The following PPP6R2 variants were observed in gnomAD, a reference collection of about 807,000 sequenced individuals.
PPP6R2 encodes the protein serine/threonine-protein phosphatase 6 regulatory subunit 2.
A neutral mutation model predicts 100.2 loss-of-function variants in PPP6R2; 62 were observed. The ratio of observed to expected loss-of-function variants is 0.62; its 90% CI spans 0.50 to 0.76. The LOEUF (loss-of-function observed/expected upper bound fraction) is 0.76. Ranked by LOEUF, PPP6R2 falls within the 30% of genes least tolerant of loss-of-function variation. PPP6R2 has a pLI of 0.00. For synonymous variants in PPP6R2, 525 were observed against 514.7 expected, an observed-to-expected ratio of 1.02 and a Z score of -0.27; for missense variants, 1,142 against 1,276.3, an observed-to-expected ratio of 0.89 and a Z score of 1.60.
intron 18 of PPP6R2, 91 bp downstream of exon 18, chr22:50,438,389 T>TTGCAGAGCAGCCACACCTGTCC: frequency 6.5e-7 from 1 of 1,543,282 alleles, no homozygotes; most frequent in Non-Finnish European, 8.7e-7. Context: ...GTTAGCTGGC[T>TTGCAGAGCAGCCACACCTGTCC]TGCAGAGCAG....
At chr22:50,353,376 G>C (rs1456239197) in intron 1 of PPP6R2, among the ~76,000 whole-genome samples, 3 of 152,256 alleles carry the variant, frequency 2.0e-5, no homozygotes, top group African/African-American at 7.2e-5. Flanking sequence ...CTGAGGAGAG[G>C]GGGAGAGACT....
chr22:50,436,571 C>T (rs1275067720), intron 14 of PPP6R2, 119 bp downstream of exon 14: 23 of 939,482 alleles, frequency 2.4e-5, no homozygotes, highest in Non-Finnish European at 3.8e-5. Flanking sequence ...CGCCTGCCTG[C>T]TCCTCTTGAC....
intron 2 of PPP6R2, among the ~76,000 whole-genome samples, chr22:50,385,657 A>G (rs2054076909): frequency 6.7e-6 from 1 of 148,998 alleles, no homozygotes; most frequent in South Asian, 2.1e-4. Context: ...CTGGGATTAT[A>G]GGCACCTGCC....
At chr22:50,350,473 T>C (rs1444923277) in intron 1 of PPP6R2, among the ~76,000 whole-genome samples, 2 of 151,826 alleles carry the variant, frequency 1.3e-5, no homozygotes, top group Non-Finnish European at 2.9e-5. Context: ...TCAGGTGATC[T>C]GCCTGCCTTG....
chr22:50,354,852 C>T (rs1313648117), intron 1 of PPP6R2, among the ~76,000 whole-genome samples: 1 of 149,788 alleles, frequency 6.7e-6, no homozygotes, highest in Non-Finnish European at 1.5e-5. Context: ...GTAAAAGCTG[C>T]TGCACCTGGA....
intron 1 of PPP6R2, among the ~76,000 whole-genome samples, chr22:50,370,935 AATGT>A (rs146375908): frequency 0.079 from 11,981 of 152,236 alleles, 1,188 homozygotes; most frequent in African/African-American, 0.23. Context: ...CCCAGCCACA[AATGT>A]AGGACCTATT....
At chr22:50,425,983 A>G (rs879256626) in intron 10 of PPP6R2, among the ~76,000 whole-genome samples, 1 of 151,712 alleles carries the variant, frequency 6.6e-6, no homozygotes, top group East Asian at 1.9e-4. Context: ...TACATAAAAA[A>G]TTTTTTTTAG....
At position 50,443,650 on chromosome 22, in the gene PPP6R2, T is replaced by C. The variant is rs549552431; in HGVS notation, c.2580-216T>C. The C allele has an allele frequency of 6.7e-5, 42 of 626,500 alleles. No individual in the cohort carries two copies. In the East Asian group the frequency reaches 1.1e-3, roughly 16 times the overall value. 38.8% of individuals were successfully genotyped at this position (626,500 alleles called of 1,614,324 possible). ...CCTGGAGGAGGTTTGAGGTCATCAA[T>C]GGACAGGCAGCTTGTCCCAGTACTT... is the stretch of plus-strand genomic sequence containing the variant. On this transcript the variant is annotated intron_variant, in intron 22 of 23. Transcript: ENST00000612753.
At chr22:50,377,597 C>T (rs780979058) in intron 2 of PPP6R2, among the ~76,000 whole-genome samples, 8 of 151,970 alleles carry the variant, frequency 5.3e-5, no homozygotes, top group Non-Finnish European at 1.0e-4. Context: ...CATGGGACAT[C>T]GAGGGCAAAT....
intron 22 of PPP6R2, chr22:50,443,525 G>C (rs4824136): frequency 0.75 from 197,144 of 262,202 alleles, 75,451 homozygotes; most frequent in East Asian, 0.94. Flanking sequence ...GGTTTCCCCA[G>C]ACTGTGTCCA....
At chr22:50,437,120 G>A (rs1322768850) in intron 15 of PPP6R2, 52 bp downstream of exon 15, 2 of 1,485,112 alleles carry the variant, frequency 1.3e-6, no homozygotes, top group African/African-American at 1.4e-5. Context: ...CGGCACCTGT[G>A]TGCGCTGCGC....
chr22:50,410,701 T>TTCACATACA (rs1398885623), intron 4 of PPP6R2, among the ~76,000 whole-genome samples: 1 of 152,088 alleles, frequency 6.6e-6, no homozygotes, highest in Non-Finnish European at 1.5e-5. Flanking sequence ...ATGTATCATA[T>TTCACATACA]TCACATACAT....
intron 2 of PPP6R2, among the ~76,000 whole-genome samples, chr22:50,383,271 G>T (rs1383486932): frequency 6.6e-6 from 1 of 152,204 alleles, no homozygotes; most frequent in Non-Finnish European, 1.5e-5. Context: ...GTGCCCATCA[G>T]CCCTGGTTTG....
chr22:50,434,904 G>C lies in PPP6R2; in HGVS notation c.1401-62G>C, dbSNP rs1467699946. 6.2e-6 allele frequency: 9 copies of C among 1,463,106 alleles called. No individual in the cohort carries two copies. In the Admixed American group the frequency reaches 1.0e-4, roughly 16 times the overall value. The allele number at this position is 1,463,106 out of a possible 1,614,324, so 90.6% of individuals were successfully genotyped here. A position where few individuals can be genotyped will look rare whatever the true frequency, so the allele number is the denominator to read the frequency against. On this transcript the variant is annotated intron_variant, in intron 12 of 23. Coordinates refer to ENST00000612753, the MANE Select transcript of PPP6R2 (RefSeq NM_001242898.2). ...GGAGGCCTCTGCCACTTGGCTCTCT[G>C]GGTCGTGGGTCTGGCAAGGTCGGGG...
intron 1 of PPP6R2, among the ~76,000 whole-genome samples, chr22:50,346,899 T>G (rs942724446): frequency 2.0e-5 from 3 of 146,826 alleles, no homozygotes; most frequent in African/African-American, 7.5e-5. Flanking sequence ...CCCGTACCCG[T>G]CAGTCACTGA....
intron 3 of PPP6R2, among the ~76,000 whole-genome samples, chr22:50,398,102 G>T (rs537151795): frequency 6.6e-6 from 1 of 152,192 alleles, no homozygotes; most frequent in Non-Finnish European, 1.5e-5. Flanking sequence ...GGAGGCTGAG[G>T]TGGGAGGATC....
chr22:50,365,220 C>T (rs533180742), intron 1 of PPP6R2, among the ~76,000 whole-genome samples: 170 of 152,012 alleles, frequency 1.1e-3, no homozygotes, highest in Non-Finnish European at 1.8e-3. Flanking sequence ...TACAGGCATG[C>T]ACCACCACAC....
At chr22:50,355,055 C>T (rs749958284) in intron 1 of PPP6R2, among the ~76,000 whole-genome samples, 1 of 151,544 alleles carries the variant, frequency 6.6e-6, no homozygotes, top group African/African-American at 2.4e-5. Flanking sequence ...ATTGCCCAGG[C>T]TGATCCTGAA....
chr22:50,417,221 C>T (rs2060661289), intron 6 of PPP6R2, among the ~76,000 whole-genome samples: 1 of 152,106 alleles, frequency 6.6e-6, no homozygotes, highest in African/African-American at 2.4e-5. Context: ...GGGCTGTGGG[C>T]CGAGGCCGCC....
Sources: gnomAD v4.1 joint callset for allele counts (sites outside exome capture counted in the v4.1 genomes callset) on GRCh38, gnomAD v4.1.1 for gene constraint, MANE v1.5 for transcripts, NCBI Gene and HGNC (gene_info 2026-07-23, HGNC 2026-07-21) for gene names.